The following ARMC8 variants were observed in gnomAD, a reference collection of about 807,000 sequenced individuals.
The protein encoded by ARMC8 is armadillo repeat containing 8, also known as armadillo repeat-containing protein 8.
ARMC8 carries 20 observed loss-of-function variants against 99.3 expected under a neutral mutation model. That is an observed-to-expected ratio of 0.20 (90% CI 0.14 to 0.29). ARMC8 has a LOEUF of 0.29. Ranked by LOEUF, ARMC8 falls within the 10% of genes least tolerant of loss-of-function variation. The pLI is 1.00. For synonymous variants in ARMC8, 263 were observed against 278.3 expected (o/e 0.95, Z 0.55); for missense variants, 569 against 809.5 (o/e 0.70, Z 3.60).
At chr3:138,217,195 G>A (rs1220367851) in intron 2 of ARMC8, among the ~76,000 whole-genome samples, 2 of 152,060 alleles carry the variant, frequency 1.3e-5, no homozygotes, top group East Asian at 1.9e-4. Context: ...TATCCCCGTC[G>A]TCAAATAATG....
intron 6 of ARMC8, 30 bp from the exon 7 acceptor site, chr3:138,235,004 A>C (rs376338201): frequency 4.2e-5 from 66 of 1,564,928 alleles, no homozygotes; most frequent in Non-Finnish European, 5.5e-5. Context: ...TACTCTTCTA[A>C]ATATATTGTT....
At chr3:138,281,961 G>A (rs2049973839) in intron 18 of ARMC8, among the ~76,000 whole-genome samples, 1 of 152,076 alleles carries the variant, frequency 6.6e-6, no homozygotes, top group Non-Finnish European at 1.5e-5. Flanking sequence ...AGCTGCTCTG[G>A]CCAACCCATA....
chr3:138,222,374 A>G (rs2108078661), intron 3 of ARMC8, among the ~76,000 whole-genome samples: 1 of 152,324 alleles, frequency 6.6e-6, no homozygotes, highest in South Asian at 2.1e-4. Context: ...TTTGAATTTA[A>G]AGGAAAAAAA....
At chr3:138,250,251 C>T (rs947424637) in intron 12 of ARMC8, among the ~76,000 whole-genome samples, 3 of 152,000 alleles carry the variant, frequency 2.0e-5, no homozygotes, top group African/African-American at 4.8e-5. Context: ...AAATGTTTAG[C>T]ACAGTGTCTG....
At chr3:138,285,389 G>A (rs1036219497) in intron 19 of ARMC8, among the ~76,000 whole-genome samples, 5 of 152,096 alleles carry the variant, frequency 3.3e-5, no homozygotes, top group African/African-American at 7.2e-5. Flanking sequence ...AGTCCTACGT[G>A]ACCTAACCCA....
At chr3:138,285,749 T>C (rs1383051988) in intron 19 of ARMC8, among the ~76,000 whole-genome samples, 1 of 152,216 alleles carries the variant, frequency 6.6e-6, no homozygotes, top group African/African-American at 2.4e-5. Context: ...TGCACAACTG[T>C]ATATCCACCA....
rs761193933 is a variant in ARMC8, at chr3:138,273,131, C to T, written c.1629+15C>T. 1.9e-6 allele frequency: 3 copies of T among 1,598,526 alleles called. No individual in the cohort carries two copies. Among genetic ancestry groups the T allele is most frequent in the Non-Finnish European group, 2.6e-6 (3 of 1,174,022 alleles). The stretch of plus-strand genomic sequence containing the variant: ...CCACTCGTCCTGTAAGTAAAATCAC[C>T]CAGGCTTCCAAATTAGCTAGCCCTG... On this transcript the variant is annotated intron_variant, in intron 17 of 21. Coordinates refer to ENST00000469044, the MANE Select transcript of ARMC8 (RefSeq NM_001363941.2).
intron 1 of ARMC8, among the ~76,000 whole-genome samples, chr3:138,195,462 T>C (rs1030757989): frequency 1.4e-4 from 22 of 152,182 alleles, no homozygotes; most frequent in African/African-American, 2.4e-5. Flanking sequence ...GTTCAGGAAG[T>C]CTTTTAAACT....
chr3:138,252,383 T>C (rs370227279), intron 12 of ARMC8, among the ~76,000 whole-genome samples: 2 of 152,144 alleles, frequency 1.3e-5, no homozygotes, highest in South Asian at 4.1e-4. Flanking sequence ...GTCTAAAATA[T>C]TTACTGCTTG....
intron 12 of ARMC8, chr3:138,246,250 A>G: frequency 1.0e-6 from 1 of 985,804 alleles, no homozygotes; most frequent in Non-Finnish European, 1.2e-6. Context: ...CAAAAAGCAC[A>G]ACTAATAAAT....
intron 18 of ARMC8, among the ~76,000 whole-genome samples, chr3:138,281,734 G>C (rs1033988329): frequency 6.6e-6 from 1 of 152,128 alleles, no homozygotes; most frequent in African/African-American, 2.4e-5. Flanking sequence ...ACTACAAAAA[G>C]GGGAATTACT....
At chr3:138,208,243 G>A (rs530906493) in intron 1 of ARMC8, among the ~76,000 whole-genome samples, 51 of 152,264 alleles carry the variant, frequency 3.3e-4, no homozygotes, top group Middle Eastern at 3.4e-3. Flanking sequence ...CAAGGCGGGC[G>A]GATCACGAGG....
At chr3:138,237,228 A>G (rs761538208) in intron 7 of ARMC8, 81 bp from the exon 8 acceptor site, 39 of 1,229,228 alleles carry the variant, frequency 3.2e-5, no homozygotes, top group Non-Finnish European at 4.5e-5. Flanking sequence ...ATAATTTTTT[A>G]GAAGAGTTTA....
Position 138,203,150 on chromosome 3 carries a change from T to C in ARMC8, c.46-6667T>C, listed in dbSNP as rs2044172840. Among the ~76,000 whole-genome samples the C allele has an allele frequency of 2.6e-5, 4 of 152,220 alleles. No homozygotes were observed. In the South Asian group the frequency reaches 8.3e-4, roughly 31 times the overall value. The stretch of plus-strand genomic sequence containing the variant: ...ACAAACAAAAGGTGGGATTGATTAC[T>C]CAGCTTAATTTGTCTCCAACAATCT... On this transcript the variant is annotated intron_variant, in intron 1 of 21. Coordinates refer to ENST00000469044, the MANE Select transcript of ARMC8 (RefSeq NM_001363941.2).
intron 2 of ARMC8, among the ~76,000 whole-genome samples, chr3:138,213,694 A>G (rs1018044041): frequency 6.6e-6 from 1 of 152,238 alleles, no homozygotes; most frequent in African/African-American, 2.4e-5. Flanking sequence ...TTGTGAAGTT[A>G]TTTTAGTATT....
chr3:138,240,005 A>C (rs1269181375), intron 10 of ARMC8, among the ~76,000 whole-genome samples: 1 of 152,210 alleles, frequency 6.6e-6, no homozygotes, highest in Non-Finnish European at 1.5e-5. Flanking sequence ...TGTCATATAC[A>C]ACTTGAATTT....
intron 1 of ARMC8, among the ~76,000 whole-genome samples, chr3:138,202,409 A>T (rs557400413): frequency 7.2e-5 from 11 of 152,346 alleles, no homozygotes; most frequent in African/African-American, 2.6e-4. Context: ...CTATTAGTTG[A>T]GGATGGGTAT....
At chr3:138,228,007 T>G (rs984156714) in intron 5 of ARMC8, among the ~76,000 whole-genome samples, 2 of 152,196 alleles carry the variant, frequency 1.3e-5, no homozygotes, top group African/African-American at 4.8e-5. Flanking sequence ...TGAGACAGAG[T>G]CTTGCTCTTG....
intron 14 of ARMC8, among the ~76,000 whole-genome samples, chr3:138,264,608 C>T (rs982656560): frequency 9.9e-5 from 15 of 151,260 alleles, no homozygotes; most frequent in South Asian, 6.3e-4. Flanking sequence ...TTAGTAGAGG[C>T]GGGGTTTCAC....
Sources: gnomAD v4.1 joint callset for allele counts (sites outside exome capture counted in the v4.1 genomes callset) on GRCh38, gnomAD v4.1.1 for gene constraint, MANE v1.5 for transcripts, NCBI Gene and HGNC (gene_info 2026-07-23, HGNC 2026-07-21) for gene names.